The following KATNAL1 variants were observed in gnomAD, a reference collection of about 807,000 sequenced individuals.
KATNAL1 encodes katanin p60 ATPase-containing subunit A-like 1.
Under a neutral mutation model 55.2 loss-of-function variants are expected in KATNAL1, and 32 were observed. The observed-to-expected ratio is 0.58, with a 90% CI of 0.44 to 0.78. The LOEUF (loss-of-function observed/expected upper bound fraction) is 0.78. Among genes scored for constraint, KATNAL1 ranks in the 30% least tolerant of loss-of-function variants. The pLI, the probability that KATNAL1 is intolerant of heterozygous loss-of-function variation, is 0.00. For synonymous variants in KATNAL1, 193 were observed against 193.6 expected (o/e 1.00, Z 0.02); for missense variants, 466 against 600.9 (o/e 0.78, Z 2.35).
In KATNAL1 at chr13:30,203,874, T is replaced by A. The variant is rs910683710; in HGVS notation, c.*4666A>T. 4 of 151,728 alleles carry A rather than the reference T, an allele frequency of 2.6e-5. No individual in the cohort carries two copies. Among genetic ancestry groups the A allele is most frequent in the African/African-American group, 9.7e-5 (4 of 41,086 alleles). 9.4% of individuals were successfully genotyped at this position (151,728 alleles called of 1,614,324 possible). Reference sequence around the variant, plus strand: ...CAATTTCCACATTAAGAAACAAATATTAAAAGCAAATGTCAAAAAAATTTA... The same window carrying A: ...CAATTTCCACATTAAGAAACAAATAATAAAAGCAAATGTCAAAAAAATTTA... On this transcript the variant is annotated 3_prime_UTR_variant, in exon 11 of 11. Coordinates refer to ENST00000380615, the MANE Select transcript of KATNAL1 (RefSeq NM_032116.5).
intron 3 of KATNAL1, among the ~76,000 whole-genome samples, chr13:30,271,117 AAC>A (rs955372983): frequency 3.9e-5 from 6 of 152,186 alleles, no homozygotes; most frequent in African/African-American, 1.4e-4. Context: ...GAAAATGGCA[AAC>A]ACATCCTGAG....
At chr13:30,222,135 C>CT (rs1874935046) in intron 9 of KATNAL1, among the ~76,000 whole-genome samples, 1 of 152,146 alleles carries the variant, frequency 6.6e-6, no homozygotes, top group Non-Finnish European at 1.5e-5. Context: ...AATTGGTGGA[C>CT]TTTGAGTAAA....
intron 3 of KATNAL1, among the ~76,000 whole-genome samples, chr13:30,279,357 T>A: frequency 6.6e-6 from 1 of 152,208 alleles, no homozygotes. Context: ...TGCAACATGA[T>A]AACCACTATG....
chr13:30,296,870 C>T (rs530062973), intron 1 of KATNAL1: 7 of 349,546 alleles, frequency 2.0e-5, no homozygotes, highest in Non-Finnish European at 3.4e-5. Flanking sequence ...AGTCTGGGAC[C>T]CTGGAGGGCT....
At chr13:30,238,280 T>C (rs2137416657) in intron 6 of KATNAL1, among the ~76,000 whole-genome samples, 1 of 152,306 alleles carries the variant, frequency 6.6e-6, no homozygotes, top group East Asian at 1.9e-4. Flanking sequence ...TTAACCTCAC[T>C]ATATCCTATG....
intron 9 of KATNAL1, chr13:30,210,650 G>GAAAAAAAAA (rs33951005): frequency 4.2e-5 from 5 of 120,266 alleles, no homozygotes; most frequent in East Asian, 2.5e-4. Context: ...ACTAAAAATT[G>GAAAAAAAAA]AAAAAAAAAA....
intron 9 of KATNAL1, among the ~76,000 whole-genome samples, chr13:30,220,634 T>C (rs1232298500): frequency 6.6e-6 from 1 of 152,206 alleles, no homozygotes; most frequent in African/African-American, 2.4e-5. Context: ...CTAAATCTAA[T>C]TGCTTCTGTT....
intron 9 of KATNAL1, among the ~76,000 whole-genome samples, chr13:30,220,143 T>C (rs1874697733): frequency 6.6e-6 from 1 of 152,172 alleles, no homozygotes. Context: ...ATATATTAGA[T>C]ATCATACACA....
rs142702812 is a variant in KATNAL1 at position 30,227,539 on chromosome 13, T to C, written c.1020A>G (p.Gly340=). 38 of 1,613,588 alleles carry C rather than the reference T, an allele frequency of 2.4e-5. No homozygotes were observed. The highest frequency in any genetic ancestry group is 3.0e-5 in the Non-Finnish European group (35 of 1,179,740). ...SELLIQMDGV[G]GALENDDPSK... ...AAGGATCATCATTTTCTAAAGCTCC[T>C]CCAACTCCTATACACAGTAAGGGAG... The change falls in exon 9 of 11, where the codon GGA becomes GGG. Residue 340 remains glycine (G), a synonymous_variant. Coordinates refer to ENST00000380615, the MANE Select transcript of KATNAL1 (RefSeq NM_032116.5).
chr13:30,219,953 T>C (rs1298763133), intron 9 of KATNAL1, among the ~76,000 whole-genome samples: 1 of 152,228 alleles, frequency 6.6e-6, no homozygotes, highest in Non-Finnish European at 1.5e-5. Flanking sequence ...AGAAACTTGC[T>C]GTCATCAATT....
At chr13:30,258,366 G>C (rs1878960788) in intron 3 of KATNAL1, among the ~76,000 whole-genome samples, 1 of 152,084 alleles carries the variant, frequency 6.6e-6, no homozygotes, top group Non-Finnish European at 1.5e-5. Context: ...GCTTTATATA[G>C]TCTAGATACG....
At chr13:30,211,730 T>C (rs891728409) in intron 9 of KATNAL1, among the ~76,000 whole-genome samples, 1 of 152,192 alleles carries the variant, frequency 6.6e-6, no homozygotes, top group East Asian at 1.9e-4. Flanking sequence ...ACCAAAATGT[T>C]CACAGAAATG....
At position 30,283,654 on chromosome 13, in the gene KATNAL1, A is replaced by C; in HGVS notation, c.124T>G (p.Ser42Ala). 6.2e-7 allele frequency: 1 copy of C among 1,613,942 alleles called. No homozygotes were observed. Among genetic ancestry groups the C allele is most frequent in the Admixed American group, 1.7e-5 (1 of 60,004 alleles). The change falls in exon 2 of 11, where the codon TCA becomes GCA. Residue 42 changes from serine to alanine, a missense_variant. Ser to Ala is a moderately conservative substitution (Grantham distance 99). Coordinates refer to ENST00000380615, the MANE Select transcript of KATNAL1 (RefSeq NM_032116.5). ...VMQQIQRHCQSVRDPAIKGKW... is the reference protein window; with the variant it reads ...VMQQIQRHCQAVRDPAIKGKW... Reference sequence around the variant, plus strand: ...CCTTTGATAGCTGGATCTCTGACTGACTGGCAATGTCTCTGAATCTGCTGC... The same window carrying C: ...CCTTTGATAGCTGGATCTCTGACTGCCTGGCAATGTCTCTGAATCTGCTGC...
chr13:30,255,677 TGTCAATACTATCTTA>T (rs1878723300), intron 3 of KATNAL1, 62 bp from the exon 4 acceptor site: 1 of 1,298,478 alleles, frequency 7.7e-7, no homozygotes, highest in Non-Finnish European at 9.8e-7. Context: ...GGCAAAAGTA[TGTCAATACTATCTTA>T]GTCAATAAAA....
intron 3 of KATNAL1, among the ~76,000 whole-genome samples, chr13:30,270,259 G>A (rs1880206069): frequency 7.5e-6 from 1 of 132,734 alleles, no homozygotes; most frequent in Admixed American, 7.5e-5. Context: ...TGGGGGGTCA[G>A]CCCCCCCGCC....
chr13:30,242,707 A>G (rs528584258), intron 4 of KATNAL1, among the ~76,000 whole-genome samples: 21 of 152,242 alleles, frequency 1.4e-4, no homozygotes, highest in Non-Finnish European at 2.6e-4. Flanking sequence ...CACTACACTG[A>G]AGAAGAAGTG....
chr13:30,224,638 A>AT (rs1367807073), intron 9 of KATNAL1, among the ~76,000 whole-genome samples: 1 of 152,106 alleles, frequency 6.6e-6, no homozygotes, highest in African/African-American at 2.4e-5. Context: ...CAAAAAAAAA[A>AT]TTTTTTTAAC....
chr13:30,295,162 T>G (rs140069763), intron 1 of KATNAL1, among the ~76,000 whole-genome samples: 53 of 152,330 alleles, frequency 3.5e-4, no homozygotes, highest in African/African-American at 1.3e-3. Flanking sequence ...AAGAAATACA[T>G]TTTTTAAGGC....
intron 1 of KATNAL1, among the ~76,000 whole-genome samples, chr13:30,301,347 G>A (rs1477313566): frequency 6.6e-6 from 1 of 152,042 alleles, no homozygotes; most frequent in Non-Finnish European, 1.5e-5. Context: ...CAACCTGGGC[G>A]ACAAGAGTGA....
Sources: allele counts gnomAD v4.1 joint callset (sites outside exome capture counted in the v4.1 genomes callset), GRCh38; gene constraint gnomAD v4.1.1; transcripts MANE v1.5; gene names NCBI Gene and HGNC (gene_info 2026-07-23, HGNC 2026-07-21).